Variants in STAG1 observed in about 807,000 individuals in gnomAD.
The protein encoded by STAG1 is cohesin subunit SA-1.
In STAG1, 26 loss-of-function variants were observed where a neutral mutation model predicts 170.9. That is an observed-to-expected ratio of 0.15 (90% CI 0.11 to 0.21). The LOEUF is 0.21. Ranked by LOEUF, STAG1 falls within the 10% of genes least tolerant of loss-of-function variation. The pLI is 1.00. For missense variants in STAG1, 964 were observed against 1,509.5 expected (o/e 0.64, Z 5.99); for synonymous variants, 514 against 497.7 (o/e 1.03, Z -0.44).
At position 136,337,463 on chromosome 3, in the gene STAG1, C is replaced by CA. The variant is rs1343914069; in HGVS notation, c.*790dup. On this transcript the variant is annotated 3_prime_UTR_variant, in exon 34 of 34. Transcript: ENST00000383202. ...TGCTAAAAATGCACAGAACAAATAC[C>CA]AATAGAAAATGCACTGTATTTGAAT... The CA allele has an allele frequency of 6.6e-6, 1 of 152,478 alleles. No homozygotes were observed. 9.4% of individuals were successfully genotyped at this position (152,478 alleles called of 1,614,324 possible). A position where few individuals can be genotyped will look rare whatever the true frequency, so the allele number is the denominator to read the frequency against.
chr3:136,591,217 CAA>C (rs574644995), intron 4 of STAG1, among the ~76,000 whole-genome samples: 6 of 57,826 alleles, frequency 1.0e-4, no homozygotes, highest in Admixed American at 1.7e-4. Context: ...AGTCTTTTTT[CAA>C]AAAAAAAAAA....
chr3:136,742,103 A>G (rs1044265056), intron 1 of STAG1, among the ~76,000 whole-genome samples: 6 of 152,240 alleles, frequency 3.9e-5, no homozygotes, highest in Non-Finnish European at 7.3e-5. Flanking sequence ...TCATAGTTGG[A>G]TATTTTAACT....
In STAG1 at chr3:136,343,925, G is replaced by A; in HGVS notation, c.3353C>T (p.Thr1118Ile). The A allele has an allele frequency of 6.2e-7, 1 of 1,612,198 alleles. No homozygotes were observed. Reference sequence around the variant, plus strand: ...ACTGTTCTCCCGCAGTACAGTGGATGTGAGTTGTGGTGCTGGCAGGGGGCC... The same window carrying A: ...ACTGTTCTCCCGCAGTACAGTGGATATGAGTTGTGGTGCTGGCAGGGGGCC... ...TPGPLPAPQL[T>I]STVLRENSRP... Residue 1118 changes from threonine to isoleucine, a missense_variant, in exon 30 of 34, where the codon ACA (threonine) becomes ATA (isoleucine). Physicochemically the swap from Thr to Ile is moderately conservative, Grantham distance 89. Transcript: ENST00000383202.
At chr3:136,597,506 ATAG>A (rs554117867) in intron 4 of STAG1, among the ~76,000 whole-genome samples, 46 of 152,338 alleles carry the variant, frequency 3.0e-4, no homozygotes, top group African/African-American at 1.0e-3. Context: ...GGTTTTTAAA[ATAG>A]TAGTTTATTC....
chr3:136,487,585 G>T (rs927805495), intron 9 of STAG1, among the ~76,000 whole-genome samples: 1 of 152,138 alleles, frequency 6.6e-6, no homozygotes, highest in Admixed American at 6.5e-5. Flanking sequence ...TGGGTAACTT[G>T]TCTCCTCTTT....
intron 9 of STAG1, 52 bp from the exon 10 acceptor site, chr3:136,477,464 C>T: frequency 6.8e-7 from 1 of 1,463,408 alleles, no homozygotes; most frequent in South Asian, 1.4e-5. Context: ...AGCTAGAATG[C>T]ATTCATACTC....
intron 6 of STAG1, among the ~76,000 whole-genome samples, chr3:136,530,901 T>C (rs1366664649): frequency 1.3e-5 from 2 of 151,876 alleles, no homozygotes; most frequent in East Asian, 1.9e-4. Context: ...AGGTCAGGAG[T>C]TCGAGATCAG....
intron 21 of STAG1, 96 bp downstream of exon 21, chr3:136,417,789 C>T (rs773684004): frequency 8.1e-6 from 7 of 866,346 alleles, no homozygotes; most frequent in East Asian, 5.1e-5. Context: ...CCTAATGAAT[C>T]GTCAATTACT....
chr3:136,543,523 T>C (rs1013903633), intron 5 of STAG1, among the ~76,000 whole-genome samples: 11 of 152,198 alleles, frequency 7.2e-5, no homozygotes, highest in African/African-American at 2.7e-4. Context: ...TAATTGTAGT[T>C]GCAGTGATTA....
chr3:136,521,361 T>G lies in STAG1; in HGVS notation c.528A>C (p.Ser176=). ...MPGPQWKKFR[S]NFCEFIGVLI... ...GGACTCCAATAAATTCACAAAAGTT[T>G]GAACGAAATTTTTTCCACTGAGGTC... The change falls in exon 7 of 34, where the codon TCA becomes TCC. Residue 176 remains serine, a synonymous_variant. Transcript: ENST00000383202. 1 of 1,613,686 alleles carries G rather than the reference T, an allele frequency of 6.2e-7. No individual in the cohort carries two copies. The highest frequency in any genetic ancestry group is 1.1e-5 in the South Asian group (1 of 91,068).
chr3:136,690,358 T>A (rs1435701804), intron 1 of STAG1, among the ~76,000 whole-genome samples: 2 of 152,202 alleles, frequency 1.3e-5, no homozygotes, highest in African/African-American at 2.4e-5. Flanking sequence ...TGCCTCAGCC[T>A]CCCGAGTAGC....
intron 9 of STAG1, among the ~76,000 whole-genome samples, chr3:136,485,236 T>C (rs1264856351): frequency 6.6e-6 from 1 of 152,110 alleles, no homozygotes; most frequent in East Asian, 1.9e-4. Flanking sequence ...GGTGGGCAGA[T>C]CACGAAGTCA....
chr3:136,690,056 CAAAAA>C (rs57082567), intron 1 of STAG1, among the ~76,000 whole-genome samples: 15 of 56,372 alleles, frequency 2.7e-4, no homozygotes, highest in South Asian at 7.8e-4. Context: ...AAAAGCAAAC[CAAAAA>C]AAAAAAAAAA....
chr3:136,476,793 AAGGATTACTTATTC>A (rs1034014128), intron 10 of STAG1, among the ~76,000 whole-genome samples: 45 of 152,270 alleles, frequency 3.0e-4, no homozygotes, highest in East Asian at 2.5e-3. Context: ...TGGTTATTCT[AAGGATTACTTATTC>A]AGGATTACTT....
chr3:136,362,497 G>T (rs1415608317), intron 26 of STAG1, among the ~76,000 whole-genome samples: 1 of 149,154 alleles, frequency 6.7e-6, no homozygotes, highest in Non-Finnish European at 1.5e-5. Flanking sequence ...CTGGGGCAAG[G>T]TGGCTTATGT....
chr3:136,446,580 G>C (rs913490327), intron 14 of STAG1, among the ~76,000 whole-genome samples: 2 of 151,838 alleles, frequency 1.3e-5, no homozygotes, highest in African/African-American at 4.8e-5. Context: ...CTGCCACCAT[G>C]CCTGACTAAT....
intron 6 of STAG1, 61 bp from the exon 7 acceptor site, chr3:136,521,478 T>C (rs1934667630): frequency 2.0e-6 from 3 of 1,492,618 alleles, no homozygotes; most frequent in African/African-American, 2.8e-5. Flanking sequence ...TGAAAGCTTT[T>C]TTTTTCTTCC....
At chr3:136,496,963 C>T (rs1003914763) in intron 9 of STAG1, among the ~76,000 whole-genome samples, 1 of 150,370 alleles carries the variant, frequency 6.7e-6, no homozygotes, top group African/African-American at 2.4e-5. Context: ...ATATTATGAC[C>T]AACTTTATGC....
intron 1 of STAG1, chr3:136,737,094 G>C (rs1343992554): frequency 5.4e-6 from 5 of 928,822 alleles, no homozygotes; most frequent in Non-Finnish European, 7.1e-6. Flanking sequence ...AGAGGAACCA[G>C]GACAGGTCAG....
Sources: gnomAD v4.1 joint callset for allele counts (sites outside exome capture counted in the v4.1 genomes callset) on GRCh38, gnomAD v4.1.1 for gene constraint, MANE v1.5 for transcripts, NCBI Gene and HGNC (gene_info 2026-07-23, HGNC 2026-07-21) for gene names.